Variants in ABCC2 observed in about 807,000 individuals in gnomAD.
ABCC2 encodes ATP binding cassette subfamily C member 2, also known as ATP-binding cassette sub-family C member 2.
In ABCC2, 157 loss-of-function variants were observed where a neutral mutation model predicts 173.4. The observed-to-expected ratio is 0.91, with a 90% CI of 0.80 to 1.03. The LOEUF is 1.03. Among genes scored for constraint, ABCC2 ranks in the 50% least tolerant of loss-of-function variants. The probability of loss-of-function intolerance (pLI) is 0.00; values close to 1 mark genes in which losing one functional copy is unlikely to be tolerated. For synonymous variants in ABCC2, 657 were observed against 693.5 expected, an observed-to-expected ratio of 0.95 and a Z score of 0.83; for missense variants, 1,822 against 1,852.3, an observed-to-expected ratio of 0.98 and a Z score of 0.30.
In ABCC2 at chr10:99,831,664, A is replaced by T. The variant is rs761760214; in HGVS notation, c.2937A>T (p.Ile979=). The change falls in exon 22 of 32, where the codon ATA becomes ATT. Residue 979 remains isoleucine (I), a synonymous_variant. Coordinates refer to ENST00000647814, the MANE Select transcript of ABCC2 (RefSeq NM_000392.5). The part of the protein sequence containing the change: ...EYLQAIGLFS[I]FFIILAFVMN... ...TACAAGCAATAGGATTGTTTTCGAT[A>T]TTCTTCATCATCCTTGCGTTTGTGA... 6.2e-7 allele frequency: 1 copy of T among 1,614,146 alleles called. No individual in the cohort carries two copies.
chr10:99,800,148 A>G (rs1027487226), intron 8 of ABCC2, among the ~76,000 whole-genome samples: 1 of 152,218 alleles, frequency 6.6e-6, no homozygotes. Context: ...TTAATGAACT[A>G]TGATCCTGCC....
intron 16 of ABCC2, among the ~76,000 whole-genome samples, chr10:99,814,423 GCATATATGTGTATACACA>G (rs1437380133): frequency 1.5e-5 from 2 of 136,626 alleles, no homozygotes; most frequent in East Asian, 2.3e-4. Context: ...ATATATGTGT[GCATATATGTGTATACACA>G]CATATGTGTG....
chr10:99,828,220 C>A (rs1293088929), intron 19 of ABCC2, among the ~76,000 whole-genome samples: 3 of 151,784 alleles, frequency 2.0e-5, no homozygotes, highest in Admixed American at 2.0e-4. Flanking sequence ...GAACAGTTTG[C>A]AAAACATCCC....
rs1485977557 is a variant in ABCC2, at chr10:99,793,676, A to G, written c.459A>G (p.Thr153=). The G allele has an allele frequency of 1.2e-6, 2 of 1,613,852 alleles. No homozygotes were observed. The highest frequency in any genetic ancestry group is 4.5e-5 in the East Asian group (2 of 44,886). Reference sequence around the variant, plus strand: ...TCCAATTTCAGACTCTGATCCGGACACTCTTACAGGTAAGGAAAAAAAGAG... The same window carrying G: ...TCCAATTTCAGACTCTGATCCGGACGCTCTTACAGGTAAGGAAAAAAAGAG... ...GTFQFQTLIR[T]LLQGDNSNLA... is the part of the protein sequence containing the mutation. The change falls in exon 4 of 32, where the codon ACA becomes ACG. Residue 153 remains threonine, a synonymous_variant. Transcript: ENST00000647814.
At position 99,792,378 on chromosome 10, in the gene ABCC2, C is replaced by T. The variant is rs975788704; in HGVS notation, c.333+19C>T. 3 of 1,613,556 alleles carry T rather than the reference C, an allele frequency of 1.9e-6. No individual in the cohort carries two copies. The highest frequency in any genetic ancestry group is 2.5e-6 in the Non-Finnish European group (3 of 1,179,618). ...CACATGGGTAAGACCTATACCACTT[C>T]TGCCCTGTTTACCTTTTCATTACCC... is the stretch of plus-strand genomic sequence containing the variant. On this transcript the variant is annotated intron_variant, in intron 3 of 31. Coordinates refer to ENST00000647814, the MANE Select transcript of ABCC2 (RefSeq NM_000392.5).
chr10:99,831,327 T>A (rs1483155221), intron 21 of ABCC2, among the ~76,000 whole-genome samples: 2 of 152,246 alleles, frequency 1.3e-5, no homozygotes, highest in Non-Finnish European at 2.9e-5. Flanking sequence ...TAGCTGGGAC[T>A]ACAGGGGCAT....
intron 2 of ABCC2, among the ~76,000 whole-genome samples, chr10:99,785,992 A>C (rs186641685): frequency 2.6e-5 from 4 of 152,306 alleles, no homozygotes; most frequent in African/African-American, 9.6e-5. Context: ...CGTGGGTTTT[A>C]TTAGATTCTG....
At chr10:99,848,464 C>T (rs1257982269) in intron 30 of ABCC2, among the ~76,000 whole-genome samples, 1 of 152,148 alleles carries the variant, frequency 6.6e-6, no homozygotes, top group Non-Finnish European at 1.5e-5. Context: ...CCCCAGGGGC[C>T]TCAGTGGTGG....
intron 16 of ABCC2, among the ~76,000 whole-genome samples, chr10:99,814,144 CACATGTAT>C (rs1187399124): frequency 9.3e-5 from 3 of 32,282 alleles, no homozygotes; most frequent in Admixed American, 3.0e-4. Context: ...TATATATACA[CACATGTAT>C]GTATACACAC....
chr10:99,813,265 A>C, intron 16 of ABCC2, 121 bp downstream of exon 16: 2 of 1,309,906 alleles, frequency 1.5e-6, no homozygotes, highest in Non-Finnish European at 2.1e-6. Flanking sequence ...CATCCGATAG[A>C]TTTGTGGACT....
intron 28 of ABCC2, among the ~76,000 whole-genome samples, chr10:99,844,965 G>A (rs2038997128): frequency 6.6e-6 from 1 of 152,128 alleles, no homozygotes; most frequent in African/African-American, 2.4e-5. Context: ...CTCAGCTGGT[G>A]GCAGACCTAA....
chr10:99,808,150 C>T lies in ABCC2; in HGVS notation c.1736C>T (p.Ala579Val). 1.2e-6 allele frequency: 2 copies of T among 1,611,492 alleles called. No homozygotes were observed. The highest frequency in any genetic ancestry group is 8.5e-7 in the Non-Finnish European group (1 of 1,177,692). Residue 579 changes from alanine (A) to valine (V), a missense_variant, in exon 13 of 32, where the codon GCC becomes GTC. Transcript: ENST00000647814. ...AACAATATTTTGGATGCACAAAAGG[C>T]CTTCACCTCCATTACCCTCTTCAAT... ...DSNNILDAQK[A>V]FTSITLFNIL...
intron 16 of ABCC2, among the ~76,000 whole-genome samples, chr10:99,815,327 T>C (rs1292006921): frequency 6.6e-6 from 1 of 152,164 alleles, no homozygotes; most frequent in African/African-American, 2.4e-5. Context: ...TACCACATTT[T>C]CTTTATCCAG....
At chr10:99,805,311 A>G (rs2038081303) in intron 10 of ABCC2, 71 bp from the exon 11 acceptor site, 1 of 1,393,864 alleles carries the variant, frequency 7.2e-7, no homozygotes, top group Admixed American at 1.7e-5. Context: ...GTGAGGCCTG[A>G]TGTCTGCAGC....
At chr10:99,822,975 G>GT (rs1228234867) in intron 19 of ABCC2, among the ~76,000 whole-genome samples, 3 of 150,160 alleles carry the variant, frequency 2.0e-5, no homozygotes, top group Non-Finnish European at 2.9e-5. Context: ...GACAATAAAT[G>GT]TTTTTTTAAC....
chr10:99,845,537 C>G (rs2039003891), intron 28 of ABCC2, 87 bp from the exon 29 acceptor site: 4 of 1,532,644 alleles, frequency 2.6e-6, no homozygotes. Context: ...CTGCCTCTTA[C>G]CTCCTGTGAC....
At chr10:99,829,927 A>G (rs542215338) in intron 19 of ABCC2, among the ~76,000 whole-genome samples, 2 of 152,362 alleles carry the variant, frequency 1.3e-5, no homozygotes, top group East Asian at 3.9e-4. Flanking sequence ...CGCCTGGCCA[A>G]GATGAGCATT....
At chr10:99,813,533 T>C (rs939090201) in intron 16 of ABCC2, among the ~76,000 whole-genome samples, 2 of 152,022 alleles carry the variant, frequency 1.3e-5, no homozygotes, top group Admixed American at 1.3e-4. Context: ...CTGGTCAACA[T>C]GGTGAAACTC....
chr10:99,787,471 T>G (rs1475958339), intron 2 of ABCC2, among the ~76,000 whole-genome samples: 1 of 151,724 alleles, frequency 6.6e-6, no homozygotes, highest in African/African-American at 2.4e-5. Context: ...GGGGACGGAG[T>G]CTCGTTCTGT....
Sources: gnomAD v4.1 joint callset for allele counts (sites outside exome capture counted in the v4.1 genomes callset) on GRCh38, gnomAD v4.1.1 for gene constraint, MANE v1.5 for transcripts, NCBI Gene and HGNC (gene_info 2026-07-23, HGNC 2026-07-21) for gene names.